Variants in SSH1 observed in about 807,000 individuals in gnomAD.
SSH1 encodes the protein slingshot protein phosphatase 1, also known as protein phosphatase Slingshot homolog 1.
A neutral mutation model predicts 79.7 loss-of-function variants in SSH1; 43 were observed. The ratio of observed to expected loss-of-function variants is 0.54; its 90% CI spans 0.42 to 0.70. The LOEUF is 0.70. Among genes scored for constraint, SSH1 ranks in the 30% least tolerant of loss-of-function variants. SSH1 has a pLI of 0.00. For missense variants in SSH1, 1,206 were observed against 1,358.8 expected, an observed-to-expected ratio of 0.89 and a Z score of 1.77; for synonymous variants, 599 against 538.3, an observed-to-expected ratio of 1.11 and a Z score of -1.56.
At chr12:108,851,879 T>A (rs777004990) in intron 2 of SSH1, among the ~76,000 whole-genome samples, 240 of 152,080 alleles carry the variant, frequency 1.6e-3, no homozygotes, top group Non-Finnish European at 2.2e-3. Flanking sequence ...CTTTTTTTTT[T>A]AAGCAGAAGA....
intron 10 of SSH1, among the ~76,000 whole-genome samples, chr12:108,803,944 CAA>C (rs1270792861): frequency 6.6e-6 from 1 of 152,134 alleles, no homozygotes. Context: ...CTACAGAAAA[CAA>C]AGTCTTTCTT....
At position 108,816,966 on chromosome 12, in the gene SSH1, C is replaced by T. The variant is rs2037918453; in HGVS notation, c.401+72G>A. The T allele has an allele frequency of 3.1e-6, 5 of 1,605,346 alleles. No individual in the cohort carries two copies. The East Asian group carries it at 1.1e-4, about 36-fold the overall frequency. ...TCTCCCACCTCTGATGGATATGGGA[C>T]CATGGAATGCTTTGTCCAGCAGCAA... On this transcript the variant is annotated intron_variant, in intron 5 of 14. Transcript: ENST00000326495.
chr12:108,792,855 G>A (rs2036573673), intron 13 of SSH1, 26 bp from the exon 14 acceptor site: 2 of 1,612,422 alleles, frequency 1.2e-6, no homozygotes, highest in Non-Finnish European at 1.7e-6. Context: ...GTAGAGGAAG[G>A]TGAGGGGAGG....
chr12:108,821,846 C>G (rs2038134341), intron 3 of SSH1, among the ~76,000 whole-genome samples: 1 of 152,170 alleles, frequency 6.6e-6, no homozygotes, highest in East Asian at 1.9e-4. Flanking sequence ...GCACTCAGAT[C>G]TAAAATGAAG....
intron 14 of SSH1, among the ~76,000 whole-genome samples, chr12:108,790,421 A>G (rs953438207): frequency 6.6e-6 from 1 of 152,194 alleles, no homozygotes; most frequent in African/African-American, 2.4e-5. Flanking sequence ...AAGTGCTGGG[A>G]TTACAGGCGT....
intron 13 of SSH1, 29 bp from the exon 14 acceptor site, chr12:108,792,858 A>T: frequency 6.2e-7 from 1 of 1,611,990 alleles, no homozygotes; most frequent in Admixed American, 1.7e-5. Context: ...GAGGAAGGTG[A>T]GGGGAGGAGG....
chr12:108,822,857 G>GCT (rs1208982212), intron 3 of SSH1, among the ~76,000 whole-genome samples: 1 of 152,180 alleles, frequency 6.6e-6, no homozygotes, highest in East Asian at 1.9e-4. Context: ...TTTTTCAAAT[G>GCT]CTTGGAGAAA....
intron 12 of SSH1, among the ~76,000 whole-genome samples, chr12:108,799,887 C>T (rs958347590): frequency 2.0e-5 from 3 of 152,324 alleles, no homozygotes; most frequent in Admixed American, 1.3e-4. Flanking sequence ...TGAAGGAGCG[C>T]CAAGCCAGTA....
chr12:108,789,165 C>A lies in SSH1; in HGVS notation c.1973G>T (p.Ser658Ile), dbSNP rs2036397155. 1 of 1,612,182 alleles carries A rather than the reference C, an allele frequency of 6.2e-7. No individual in the cohort carries two copies. The highest frequency in any genetic ancestry group is 1.3e-5 in the African/African-American group (1 of 74,894). The change falls in exon 15 of 15, where the codon AGC becomes ATC. Residue 658 changes from serine to isoleucine, a missense_variant. This residue lies in a region of SSH1 where 709 missense variants were observed against 730.6 expected (regional missense o/e 0.97). Transcript: ENST00000326495. Reference sequence around the variant, plus strand: ...CTCCCTGGAGGCCTCAGGAGCCCCGCTGGCTGTAGGGTACATGCAGTCGGC... The same window carrying A: ...CTCCCTGGAGGCCTCAGGAGCCCCGATGGCTGTAGGGTACATGCAGTCGGC... ...SCADCMYPTASGAPEASRERC... is the reference protein window; with the variant it reads ...SCADCMYPTAIGAPEASRERC...
chr12:108,806,378 T>C lies in SSH1; in HGVS notation c.748A>G (p.Arg250Gly). The change falls in exon 9 of 15, where the codon AGG becomes GGG. Residue 250 changes from arginine to glycine, a missense_variant. Physicochemically the swap from Arg to Gly is moderately radical, Grantham distance 125. Around this residue, in one of 5 missense-constraint regions of SSH1, gnomAD observed 116 missense variants for 109.0 expected, o/e 1.06. Transcript: ENST00000326495. ...LFVDKPTEGE[R>G]TERLIKAKLR... is the part of the protein sequence containing the mutation. ...TTGGCTTTGATGAGGCGCTCGGTCC[T>C]TTCCCCTTCAGTGGGCCTGGAAAGA... is the stretch of plus-strand genomic sequence containing the variant. The C allele has an allele frequency of 3.1e-6, 5 of 1,614,164 alleles. No individual in the cohort carries two copies. Among genetic ancestry groups the C allele is most frequent in the Non-Finnish European group, 4.2e-6 (5 of 1,180,010 alleles).
chr12:108,779,695 G>T lies in SSH1; in HGVS notation c.*8293C>A, dbSNP rs1184129760. On this transcript the variant is annotated 3_prime_UTR_variant, in exon 15 of 15. Transcript: ENST00000326495. ...TTTTTTTCTTTTTTTTGTTTTTTGA[G>T]ACAGAGTCTCACTCTGTCACCCAGG... is the stretch of plus-strand genomic sequence containing the variant. 2.6e-5 allele frequency: 4 copies of T among 151,452 alleles called. No homozygotes were observed. Among genetic ancestry groups the T allele is most frequent in the African/African-American group, 9.7e-5 (4 of 41,156 alleles). The allele number at this position is 151,452 out of a possible 1,614,324, so 9.4% of individuals were successfully genotyped here.
At chr12:108,824,325 T>A (rs2038233773) in intron 2 of SSH1, among the ~76,000 whole-genome samples, 1 of 151,954 alleles carries the variant, frequency 6.6e-6, no homozygotes. Flanking sequence ...ATGCCTGTAA[T>A]CCCAGCTACT....
At chr12:108,808,821 C>CTTT (rs148110288) in intron 7 of SSH1, among the ~76,000 whole-genome samples, 167 of 80,282 alleles carry the variant, frequency 2.1e-3, no homozygotes, top group Non-Finnish European at 2.7e-3. Flanking sequence ...TCTTTTACTT[C>CTTT]TTTTTTTTTT....
chr12:108,797,658 G>C (rs1001937939), intron 13 of SSH1, among the ~76,000 whole-genome samples: 1 of 152,222 alleles, frequency 6.6e-6, no homozygotes, highest in African/African-American at 2.4e-5. Flanking sequence ...CTTGACTTTA[G>C]AAGATGGAGG....
At chr12:108,834,703 C>T (rs2038556523) in intron 2 of SSH1, among the ~76,000 whole-genome samples, 2 of 152,208 alleles carry the variant, frequency 1.3e-5, no homozygotes, top group Non-Finnish European at 2.9e-5. Flanking sequence ...ATTTCCAAAT[C>T]GTGTTCCCTG....
At chr12:108,802,214 G>A (rs1214201648) in intron 11 of SSH1, 108 bp downstream of exon 11, 2 of 950,700 alleles carry the variant, frequency 2.1e-6, no homozygotes, top group East Asian at 5.0e-5. Context: ...AGAGACCAGG[G>A]TGCAGGCAAT....
Position 108,837,778 on chromosome 12 carries a change from AT to A in SSH1, c.111-14418del, listed in dbSNP as rs896849028. 1.3e-3 allele frequency among the ~76,000 whole-genome samples: 195 copies of A among 145,226 alleles called. 3 individuals carry two copies. The highest frequency in any genetic ancestry group is 0.011 in the Middle Eastern group (3 of 282). The stretch of plus-strand genomic sequence containing the variant: ...AGCATTACAAGTTTTCGAGTTACCA[AT>A]TTTTTTTTTTTTCCTTTGAGACAGG... On this transcript the variant is annotated intron_variant, in intron 2 of 14. Coordinates refer to ENST00000326495, the MANE Select transcript of SSH1 (RefSeq NM_018984.4).
chr12:108,856,346 G>C (rs990249468), intron 1 of SSH1, among the ~76,000 whole-genome samples: 1 of 152,222 alleles, frequency 6.6e-6, no homozygotes, highest in Non-Finnish European at 1.5e-5. Flanking sequence ...GGCTAAGAGG[G>C]CAACAGTGCC....
Position 108,823,296 on chromosome 12 carries a change from T to TGAGGGCTGCTTCCCTGTTGTAAGAA in SSH1, c.151_175dup (p.Gln59LeufsTer23), listed in dbSNP as rs1566003171. 2.5e-6 allele frequency: 4 copies of TGAGGGCTGCTTCCCTGTTGTAAGAA among 1,590,240 alleles called. No individual in the cohort carries two copies. Among genetic ancestry groups the TGAGGGCTGCTTCCCTGTTGTAAGAA allele is most frequent in the Non-Finnish European group, 3.4e-6 (4 of 1,167,274 alleles). ...GGGGTGCTGAAGACTCCGCTGGCCT[T>TGAGGGCTGCTTCCCTGTTGTAAGAA]GAGGGCTGCTTCCCTGTTGTAAGAA... is the stretch of plus-strand genomic sequence containing the variant. On this transcript the variant is annotated frameshift_variant, in exon 3 of 15. Transcript: ENST00000326495. LOFTEE classifies it high-confidence loss of function.
Sources: gnomAD v4.1 joint callset for allele counts (sites outside exome capture counted in the v4.1 genomes callset) on GRCh38, gnomAD v4.1.1 for gene constraint, gnomAD v4.1.1 regional missense constraint, MANE v1.5 for transcripts, NCBI Gene and HGNC (gene_info 2026-07-23, HGNC 2026-07-21) for gene names.